Variants in TRABD2B observed in about 807,000 individuals in gnomAD.
The protein encoded by TRABD2B is metalloprotease TIKI2.
TRABD2B carries 14 observed loss-of-function variants against 40.1 expected under a neutral mutation model. The ratio of observed to expected loss-of-function variants is 0.35; its 90% CI spans 0.23 to 0.55. TRABD2B has a LOEUF of 0.55. Ranked by LOEUF, TRABD2B falls within the 20% of genes least tolerant of loss-of-function variation. The pLI is 0.90. For missense variants in TRABD2B, 541 were observed against 648.6 expected (o/e 0.83, Z 1.80); for synonymous variants, 263 against 277.0 (o/e 0.95, Z 0.50).
chr1:47,868,304 A>G (rs531117890), intron 2 of TRABD2B, among the ~76,000 whole-genome samples: 53 of 152,336 alleles, frequency 3.5e-4, no homozygotes, highest in Non-Finnish European at 4.4e-5. Flanking sequence ...GCTGGTAAAC[A>G]CTTTTCAGTG....
At chr1:47,887,413 TG>T (rs1404028161) in intron 2 of TRABD2B, among the ~76,000 whole-genome samples, 1 of 152,176 alleles carries the variant, frequency 6.6e-6, no homozygotes, top group Non-Finnish European at 1.5e-5. Context: ...TGGTTTTATC[TG>T]TGGCTTTGAG....
intron 2 of TRABD2B, among the ~76,000 whole-genome samples, chr1:47,911,958 G>C (rs927612556): frequency 2.0e-5 from 3 of 152,232 alleles, no homozygotes; most frequent in Non-Finnish European, 2.9e-5. Context: ...CAGTCATGGA[G>C]TGAATGTAAT....
At chr1:47,892,076 C>T (rs1644454964) in intron 2 of TRABD2B, among the ~76,000 whole-genome samples, 1 of 152,166 alleles carries the variant, frequency 6.6e-6, no homozygotes, top group African/African-American at 2.4e-5. Flanking sequence ...AGCACAGCCT[C>T]CTGGAGTGGG....
rs115349937 is a variant in TRABD2B, at chr1:47,830,164, T to C, written c.667-28545A>G. 6.2e-3 allele frequency among the ~76,000 whole-genome samples: 950 copies of C among 152,318 alleles called. 3 individuals are homozygous for C. The highest frequency in any genetic ancestry group is 0.011 in the Non-Finnish European group (735 of 68,020). On this transcript the variant is annotated intron_variant, in intron 2 of 6. Coordinates refer to ENST00000606738, the MANE Select transcript of TRABD2B (RefSeq NM_001194986.2). ...ACTGCCTTGCCCCAGGATGTCCCCC[T>C]CCCAGATGGGACCTCCCTGAAGGCA... is the stretch of plus-strand genomic sequence containing the variant.
At chr1:47,879,547 A>G (rs191867457) in intron 2 of TRABD2B, among the ~76,000 whole-genome samples, 1 of 152,358 alleles carries the variant, frequency 6.6e-6, no homozygotes, top group East Asian at 1.9e-4. Flanking sequence ...CAACTATGAA[A>G]TCATCTAACG....
chr1:47,955,729 C>T (rs1465476130), intron 2 of TRABD2B, among the ~76,000 whole-genome samples: 1 of 151,880 alleles, frequency 6.6e-6, no homozygotes, highest in Non-Finnish European at 1.5e-5. Flanking sequence ...TACCCCAACT[C>T]ATTAGCCTCA....
chr1:47,989,749 A>AACAC (rs141660023), intron 2 of TRABD2B, among the ~76,000 whole-genome samples: 3,925 of 149,100 alleles, frequency 0.026, 159 homozygotes, highest in African/African-American at 0.087. Context: ...CCACCATTCC[A>AACAC]ACACACACAC....
chr1:47,988,980 G>A (rs1190109990), intron 2 of TRABD2B, among the ~76,000 whole-genome samples: 1 of 152,174 alleles, frequency 6.6e-6, no homozygotes, highest in East Asian at 1.9e-4. Flanking sequence ...GGAACTTCTG[G>A]GAGTAGATTA....
At chr1:47,950,873 C>T (rs1192845303) in intron 2 of TRABD2B, among the ~76,000 whole-genome samples, 1 of 152,230 alleles carries the variant, frequency 6.6e-6, no homozygotes, top group African/African-American at 2.4e-5. Flanking sequence ...GGAAACTCCA[C>T]TGGCAGTGGT....
chr1:47,953,224 C>T (rs945667323), intron 2 of TRABD2B, among the ~76,000 whole-genome samples: 22 of 152,300 alleles, frequency 1.4e-4, no homozygotes, highest in African/African-American at 4.8e-4. Context: ...AGATGATGCA[C>T]AGAGGGGTGT....
At chr1:47,840,604 T>G (rs1645383473) in intron 2 of TRABD2B, among the ~76,000 whole-genome samples, 1 of 152,192 alleles carries the variant, frequency 6.6e-6, no homozygotes, top group African/African-American at 2.4e-5. Context: ...CTGGTGGCTA[T>G]CGAGGCTGCT....
intron 2 of TRABD2B, among the ~76,000 whole-genome samples, chr1:47,972,559 A>C (rs1645696493): frequency 6.6e-6 from 1 of 151,434 alleles, no homozygotes; most frequent in East Asian, 1.9e-4. Flanking sequence ...ACAAAACTGG[A>C]AAACGGCAGT....
Position 47,863,323 on chromosome 1 carries a change from T to C in TRABD2B, c.667-61704A>G, listed in dbSNP as rs1328497895. Among the ~76,000 whole-genome samples, 3 of 131,934 alleles carry C rather than the reference T, an allele frequency of 2.3e-5. No homozygotes were observed. In the East Asian group the frequency reaches 7.0e-4, roughly 31 times the overall value. 86.6% of individuals were successfully genotyped at this position (131,934 alleles called of 152,430 possible). ...TGCAAAAGACTGATAAATATAAATA[T>C]ATATATATATATAGGATAACTGGAT... is the stretch of plus-strand genomic sequence containing the variant. On this transcript the variant is annotated intron_variant, in intron 2 of 6. Coordinates refer to ENST00000606738, the MANE Select transcript of TRABD2B (RefSeq NM_001194986.2).
intron 2 of TRABD2B, among the ~76,000 whole-genome samples, chr1:47,851,880 A>C (rs768042899): frequency 6.6e-6 from 1 of 152,226 alleles, no homozygotes. Flanking sequence ...AGCTCAATAT[A>C]ACTCAGCTAA....
Position 47,969,141 on chromosome 1 carries a change from C to A in TRABD2B, c.666+24893G>T, listed in dbSNP as rs566603372. ...TCGTTAACATAGGAGCTCTGCTCACCATTCCCAGCCCAGGCTATTATCACA... is the reference window on the plus strand; with the variant it reads ...TCGTTAACATAGGAGCTCTGCTCACAATTCCCAGCCCAGGCTATTATCACA... On this transcript the variant is annotated intron_variant, in intron 2 of 6. Transcript: ENST00000606738. Among the ~76,000 whole-genome samples the A allele has an allele frequency of 2.6e-5, 4 of 152,346 alleles. 1 individual carries two copies. The highest frequency in any genetic ancestry group is 7.2e-5 in the African/African-American group (3 of 41,574).
In TRABD2B at chr1:47,800,592, C is replaced by T. The variant is rs1043887391; in HGVS notation, c.813+881G>A. On this transcript the variant is annotated intron_variant, in intron 3 of 6. Transcript: ENST00000606738. ...CACCTTGATAAAAATGGGAAGTCCA[C>T]GCAATGTCCTGAGCAGGGAAGTGGT... is the stretch of plus-strand genomic sequence containing the variant. Among the ~76,000 whole-genome samples, 10 of 152,292 alleles carry T rather than the reference C, an allele frequency of 6.6e-5. No homozygotes were observed. In the Middle Eastern group the frequency reaches 0.014, roughly 207 times the overall value.
chr1:47,991,960 G>A (rs1389071696), intron 2 of TRABD2B, among the ~76,000 whole-genome samples: 1 of 152,158 alleles, frequency 6.6e-6, no homozygotes. Context: ...TTCCCATTTA[G>A]TCCAAGGCTG....
chr1:47,940,945 C>T (rs1170380975), intron 2 of TRABD2B, among the ~76,000 whole-genome samples: 8 of 152,338 alleles, frequency 5.3e-5, no homozygotes, highest in African/African-American at 1.7e-4. Flanking sequence ...TATTCCTGGA[C>T]TCCAGCCCAG....
intron 2 of TRABD2B, among the ~76,000 whole-genome samples, chr1:47,852,436 C>T (rs1374756036): frequency 6.6e-6 from 1 of 152,214 alleles, no homozygotes; most frequent in Non-Finnish European, 1.5e-5. Flanking sequence ...TTTTCACGAT[C>T]CCCTTTCAAT....
Sources: allele counts gnomAD v4.1 joint callset (sites outside exome capture counted in the v4.1 genomes callset), GRCh38; gene constraint gnomAD v4.1.1; transcripts MANE v1.5; gene names NCBI Gene and HGNC (gene_info 2026-07-23, HGNC 2026-07-21).